Variants in SFXN1 observed in about 807,000 individuals in gnomAD.
The protein encoded by SFXN1 is sideroflexin 1.
A neutral mutation model predicts 39.5 loss-of-function variants in SFXN1; 32 were observed. The ratio of observed to expected loss-of-function variants is 0.81; its 90% CI spans 0.61 to 1.09. SFXN1 has a LOEUF of 1.09. Ranked by LOEUF, SFXN1 falls within the 50% of genes least tolerant of loss-of-function variation. The pLI is 0.00. For synonymous variants in SFXN1, 136 were observed against 146.5 expected (o/e 0.93, Z 0.52); for missense variants, 402 against 407.1 (o/e 0.99, Z 0.11).
intron 2 of SFXN1, among the ~76,000 whole-genome samples, chr5:175,503,087 C>A (rs1315767171): frequency 6.6e-6 from 1 of 152,126 alleles, no homozygotes; most frequent in East Asian, 1.9e-4. Flanking sequence ...GAGGAAATAA[C>A]TCCAGAGGGG....
In SFXN1 at chr5:175,487,123, C is replaced by T. The variant is rs150429889; in HGVS notation, c.-9-4972C>T. ...AGGGTGCAGGGAAGGAAATGGCTCA[C>T]GGCCTCATGTACAGCCACAGCCTGG... On this transcript the variant is annotated intron_variant, in intron 1 of 10. Coordinates refer to ENST00000321442, the MANE Select transcript of SFXN1 (RefSeq NM_022754.7). Among the ~76,000 whole-genome samples the T allele has an allele frequency of 1.6e-4, 25 of 152,282 alleles. No homozygotes were observed. The East Asian group carries it at 1.9e-3, about 12-fold the overall frequency.
In SFXN1 at chr5:175,519,180, A is replaced by G. The variant is rs182295241; in HGVS notation, c.774+2517A>G. 1.4e-3 allele frequency among the ~76,000 whole-genome samples: 220 copies of G among 152,358 alleles called. 3 individuals carry two copies. Among genetic ancestry groups the G allele is most frequent in the African/African-American group, 4.4e-3 (185 of 41,588 alleles). On this transcript the variant is annotated intron_variant, in intron 8 of 10. Transcript: ENST00000321442. ...CCACTAAATGCCTATTAGAATGTCA[A>G]AAACTAAAAAGATTGATCATAGCAA...
chr5:175,480,772 A>G (rs1167175012), intron 1 of SFXN1, among the ~76,000 whole-genome samples: 3 of 152,242 alleles, frequency 2.0e-5, no homozygotes, highest in Non-Finnish European at 4.4e-5. Flanking sequence ...GTTGTTCTGG[A>G]AGACTTACGT....
intron 2 of SFXN1, among the ~76,000 whole-genome samples, chr5:175,503,119 A>G (rs747878254): frequency 1.4e-4 from 22 of 152,218 alleles, no homozygotes; most frequent in Non-Finnish European, 2.4e-4. Flanking sequence ...TGTTGGAGAC[A>G]TGGAAATATC....
chr5:175,523,978 T>C (rs1310077991), intron 10 of SFXN1: 2 of 151,104 alleles, frequency 1.3e-5, no homozygotes, highest in Non-Finnish European at 2.9e-5. Flanking sequence ...AATAATATAA[T>C]GAATATCCAC....
intron 7 of SFXN1, among the ~76,000 whole-genome samples, chr5:175,515,517 AT>A (rs1304260894): frequency 6.6e-6 from 1 of 152,216 alleles, no homozygotes; most frequent in Non-Finnish European, 1.5e-5. Flanking sequence ...GTTTAGCCTG[AT>A]AAAAGTTGTC....
intron 1 of SFXN1, among the ~76,000 whole-genome samples, chr5:175,484,945 A>G (rs532656918): frequency 2.6e-5 from 4 of 152,290 alleles, no homozygotes; most frequent in East Asian, 3.9e-4. Flanking sequence ...AAATGGATCA[A>G]TTTACCTGGA....
chr5:175,528,416 A>C lies in SFXN1; in HGVS notation c.*1682A>C, dbSNP rs1761138525. 6.6e-6 allele frequency: 1 copy of C among 152,234 alleles called. No homozygotes were observed. Among genetic ancestry groups the C allele is most frequent in the Non-Finnish European group, 1.5e-5 (1 of 68,086 alleles). The allele number at this position is 152,234 out of a possible 1,614,324, so 9.4% of individuals were successfully genotyped here. On this transcript the variant is annotated 3_prime_UTR_variant, in exon 11 of 11. Transcript: ENST00000321442. ...GCCATTTTATATCAGGAACTTGAGC[A>C]TCTGCAGATATTGGTATCGGAGGGC...
intron 8 of SFXN1, among the ~76,000 whole-genome samples, chr5:175,518,529 C>T (rs781648195): frequency 5.3e-5 from 8 of 152,108 alleles, no homozygotes; most frequent in Non-Finnish European, 7.4e-5. Flanking sequence ...TGTTAAAATA[C>T]GCAGCGTTTA....
intron 10 of SFXN1, chr5:175,522,631 C>A: frequency 2.1e-6 from 1 of 465,934 alleles, no homozygotes; most frequent in Non-Finnish European, 3.7e-6. Context: ...CTACCCCCTT[C>A]CATTAAATTT....
intron 7 of SFXN1, among the ~76,000 whole-genome samples, chr5:175,516,356 A>G (rs1166212012): frequency 6.6e-6 from 1 of 152,366 alleles, no homozygotes; most frequent in Admixed American, 6.5e-5. Context: ...ACCTAAAAGT[A>G]AAGTTCTTTT....
At position 175,512,518 on chromosome 5, in the gene SFXN1, T is replaced by G. The variant is rs1167316449; in HGVS notation, c.596+322T>G. ...AGCTTACATTGAGTTGTGCTTGGGTTGGACAAAGTCTATCCAAAGAAAGTT... is the reference window on the plus strand; with the variant it reads ...AGCTTACATTGAGTTGTGCTTGGGTGGGACAAAGTCTATCCAAAGAAAGTT... On this transcript the variant is annotated intron_variant, in intron 6 of 10. Transcript: ENST00000321442. 2.0e-5 allele frequency among the ~76,000 whole-genome samples: 3 copies of G among 152,246 alleles called. No individual in the cohort carries two copies. In the East Asian group the frequency reaches 5.8e-4, roughly 29 times the overall value.
intron 1 of SFXN1, among the ~76,000 whole-genome samples, chr5:175,482,949 A>G (rs1273388525): frequency 6.6e-6 from 1 of 152,200 alleles, no homozygotes; most frequent in African/African-American, 2.4e-5. Flanking sequence ...CGGTCTTTCC[A>G]AACCCAGGAC....
intron 2 of SFXN1, 156 bp downstream of exon 2, chr5:175,492,423 C>G: frequency 4.7e-6 from 3 of 642,914 alleles, no homozygotes; most frequent in East Asian, 5.9e-5. Context: ...GTAAAAAGAC[C>G]TGTTATATCC....
At chr5:175,526,596 C>T (rs763100064) in intron 10 of SFXN1, 42 bp from the exon 11 acceptor site, 6 of 1,537,838 alleles carry the variant, frequency 3.9e-6, no homozygotes, top group Non-Finnish European at 5.4e-6. Flanking sequence ...TGATTCTCAC[C>T]TCTGCCTGTG....
rs1423218936 is a variant in SFXN1, at chr5:175,486,192, G to A, written c.-9-5903G>A. On this transcript the variant is annotated intron_variant, in intron 1 of 10. Coordinates refer to ENST00000321442, the MANE Select transcript of SFXN1 (RefSeq NM_022754.7). Reference sequence around the variant, plus strand: ...TTTTATTTAAAGGAAAAAAGTGGGGGGGCCTCCAAGATATCATTTCTCTGC... The same window carrying A: ...TTTTATTTAAAGGAAAAAAGTGGGGAGGCCTCCAAGATATCATTTCTCTGC... Among the ~76,000 whole-genome samples, 2 of 144,970 alleles carry A rather than the reference G, an allele frequency of 1.4e-5. 1 individual carries two copies. The highest frequency in any genetic ancestry group is 5.8e-5 in the African/African-American group (2 of 34,628).
chr5:175,509,290 GTAT>G, intron 3 of SFXN1, 88 bp downstream of exon 3: 1 of 1,308,262 alleles, frequency 7.6e-7, no homozygotes, highest in South Asian at 1.5e-5. Context: ...GTTGAAATAA[GTAT>G]TATTTCATAA....
chr5:175,480,128 G>A (rs967010041), intron 1 of SFXN1, among the ~76,000 whole-genome samples: 1 of 152,186 alleles, frequency 6.6e-6, no homozygotes, highest in Non-Finnish European at 1.5e-5. Flanking sequence ...TGGGCCAGGC[G>A]CGGTGGCTCA....
intron 2 of SFXN1, among the ~76,000 whole-genome samples, chr5:175,493,769 A>C (rs1053808976): frequency 2.0e-5 from 3 of 152,234 alleles, no homozygotes; most frequent in African/African-American, 4.8e-5. Context: ...AATTACCGAT[A>C]GAGAGAATGA....
Sources: allele counts gnomAD v4.1 joint callset (sites outside exome capture counted in the v4.1 genomes callset), GRCh38; gene constraint gnomAD v4.1.1; transcripts MANE v1.5; gene names NCBI Gene and HGNC (gene_info 2026-07-23, HGNC 2026-07-21).